MAPT: variants seen among roughly 807,000 people sequenced by gnomAD.
MAPT encodes the protein microtubule-associated protein tau.
MAPT carries 34 observed loss-of-function variants against 67.9 expected under a neutral mutation model. That is an observed-to-expected ratio of 0.50 (90% CI 0.38 to 0.67). The LOEUF (loss-of-function observed/expected upper bound fraction) is 0.67. MAPT is among the 30% of genes least tolerant of loss of function. The pLI, the probability that MAPT is intolerant of heterozygous loss-of-function variation, is 0.00. For missense variants in MAPT, 881 were observed against 1,115.2 expected (o/e 0.79, Z 2.99); for synonymous variants, 456 against 464.5 (o/e 0.98, Z 0.23).
chr17:45,912,816 C>A (rs2064891844), intron 1 of MAPT, among the ~76,000 whole-genome samples: 1 of 152,170 alleles, frequency 6.6e-6, no homozygotes, highest in South Asian at 2.1e-4. Flanking sequence ...ATTTGGCCAA[C>A]CTAGTTCCCA....
chr17:45,905,173 A>G (rs567063740), intron 1 of MAPT, among the ~76,000 whole-genome samples: 19 of 152,316 alleles, frequency 1.2e-4, no homozygotes, highest in Non-Finnish European at 2.2e-4. Flanking sequence ...ACATCCCTAA[A>G]TCCGCTTGAA....
intron 3 of MAPT, chr17:45,972,985 G>A (rs2071883722): frequency 6.6e-6 from 1 of 152,188 alleles, no homozygotes; most frequent in East Asian, 1.9e-4. Context: ...TGGCTTTTGA[G>A]TCACTAGTTG....
chr17:45,998,322 C>T (rs2074683386), intron 9 of MAPT, among the ~76,000 whole-genome samples: 1 of 151,980 alleles, frequency 6.6e-6, no homozygotes, highest in African/African-American at 2.4e-5. Flanking sequence ...AATGGACGGT[C>T]GGGTTAAAAG....
At chr17:46,014,063 C>T (rs2075997806) in intron 10 of MAPT, among the ~76,000 whole-genome samples, 180 bp from the exon 11 acceptor site, 1 of 152,238 alleles carries the variant, frequency 6.6e-6, no homozygotes, top group African/African-American at 2.4e-5. Context: ...TTTTTCCACC[C>T]TGACTAGGAT....
At chr17:45,914,703 G>A (rs1239451031) in intron 1 of MAPT, among the ~76,000 whole-genome samples, 1 of 151,564 alleles carries the variant, frequency 6.6e-6, no homozygotes, top group East Asian at 1.9e-4. Flanking sequence ...GTATTACCAT[G>A]CTTAAATGTT....
chr17:45,929,616 A>T (rs1388900567), intron 1 of MAPT, among the ~76,000 whole-genome samples: 5 of 152,186 alleles, frequency 3.3e-5, no homozygotes, highest in Admixed American at 1.3e-4. Context: ...TGTCCTGTTT[A>T]GTAGGAATAT....
At chr17:45,970,919 T>G (rs2071597043) in intron 2 of MAPT, among the ~76,000 whole-genome samples, 1 of 152,224 alleles carries the variant, frequency 6.6e-6, no homozygotes, top group Admixed American at 6.5e-5. Flanking sequence ...AGGCTGTATC[T>G]TCTGAGCATT....
At chr17:45,999,178 C>G in intron 9 of MAPT, 1 of 1,481,920 alleles carries the variant, frequency 6.7e-7, no homozygotes. Flanking sequence ...GTTCAGTTGC[C>G]ATCTCCTCCA....
rs565535494 is a variant in MAPT, at chr17:46,024,254, G to A, written c.*83G>A. On this transcript the variant is annotated 3_prime_UTR_variant, in exon 13 of 13. Coordinates refer to ENST00000262410, the MANE Select transcript of MAPT (RefSeq NM_001377265.1). ...AAAAAAGAATAATGACCCGGCCCCCGCCCTCTGCCCCCAGCTGCTCCTCGC... is the reference window on the plus strand; with the variant it reads ...AAAAAAGAATAATGACCCGGCCCCCACCCTCTGCCCCCAGCTGCTCCTCGC... The A allele has an allele frequency of 1.7e-5, 21 of 1,224,204 alleles. No individual in the cohort carries two copies. Among genetic ancestry groups the A allele is most frequent in the South Asian group, 4.9e-5 (4 of 80,870 alleles). 75.8% of individuals were successfully genotyped at this position (1,224,204 alleles called of 1,614,324 possible).
At chr17:45,973,988 C>G (rs1272665823) in intron 3 of MAPT, 1 of 205,894 alleles carries the variant, frequency 4.9e-6, no homozygotes, top group East Asian at 1.2e-4. Context: ...AGCCTCACAG[C>G]AAAACCATAG....
intron 1 of MAPT, among the ~76,000 whole-genome samples, chr17:45,960,678 G>A (rs1374981371): frequency 3.3e-5 from 5 of 152,132 alleles, no homozygotes; most frequent in African/African-American, 1.2e-4. Context: ...AGCCAGGCAT[G>A]GTGGCAGCTT....
rs552538809 is a variant in MAPT, at chr17:45,971,904, G to T, written c.179G>T (p.Gly60Val). ...TPTEDGSEEP[G>V]SETSDAKSTP... is the part of the protein sequence containing the mutation. ...ACTGAGGACGGATCTGAGGAACCGG[G>T]CTCTGAAACCTCTGATGCTAAGAGC... The change falls in exon 3 of 13, where the codon GGC (glycine) becomes GTC (valine). Residue 60 changes from glycine to valine, a missense_variant. Physicochemically the swap from Gly to Val is moderately radical, Grantham distance 109. Coordinates refer to ENST00000262410, the MANE Select transcript of MAPT (RefSeq NM_001377265.1). The surrounding 1 kb of genome is among the most constrained non-coding windows in gnomAD (Gnocchi z 4.3). The T allele has an allele frequency of 6.2e-7, 1 of 1,614,108 alleles. No homozygotes were observed. The highest frequency in any genetic ancestry group is 1.1e-5 in the South Asian group (1 of 91,084).
In MAPT at chr17:45,983,694, C is replaced by T. The variant is rs377402921; in HGVS notation, c.1115C>T (p.Ala372Val). 173 of 1,613,676 alleles carry T rather than the reference C, an allele frequency of 1.1e-4. No homozygotes were observed. Among genetic ancestry groups the T allele is most frequent in the Non-Finnish European group, 1.4e-4 (167 of 1,179,728 alleles). The part of the protein sequence containing the change: ...PSVGRAKGQD[A>V]PLEFTFHVEI... ...GTAGGGCGGGCCAAAGGGCAGGATG[C>T]CCCCCTGGAGTTCACGTTTCACGTG... Residue 372 changes from alanine (A) to valine (V), a missense_variant, in exon 5 of 13, where the codon GCC (alanine) becomes GTC (valine). By Grantham distance (64) the Ala-to-Val change is moderately conservative. This residue lies in a region of MAPT where 687 missense variants were observed against 766.1 expected (regional missense o/e 0.90). Coordinates refer to ENST00000262410, the MANE Select transcript of MAPT (RefSeq NM_001377265.1).
Position 45,983,492 on chromosome 17 carries a change from CAA to C in MAPT, c.914_915del (p.Gln305ArgfsTer120). On this transcript the variant is annotated frameshift_variant, in exon 5 of 13. Transcript: ENST00000262410. LOFTEE classifies it high-confidence loss of function. ...CCGCGACGTCGATGAGTCCTCCCCC[CAA>C]GACTCCCCTCCCTCCAAGGCCTCCC... ...EDRDVDESSP[Q>X]DSPPSKASPA... 1 of 1,611,872 alleles carries C rather than the reference CAA, an allele frequency of 6.2e-7. No individual in the cohort carries two copies. The highest frequency in any genetic ancestry group is 8.5e-7 in the Non-Finnish European group (1 of 1,179,236).
At chr17:46,000,600 C>T (rs1199553647) in intron 9 of MAPT, among the ~76,000 whole-genome samples, 2 of 152,208 alleles carry the variant, frequency 1.3e-5, no homozygotes, top group Non-Finnish European at 2.9e-5. Flanking sequence ...GCCCGAGCCT[C>T]CTGGACCTGT....
intron 4 of MAPT, chr17:45,980,623 T>G (rs775193548): frequency 1.3e-5 from 2 of 152,136 alleles, no homozygotes; most frequent in Non-Finnish European, 2.9e-5. Context: ...CTGTATCCAT[T>G]ACTTTTCAAG....
chr17:46,006,871 C>T (rs140993630), intron 9 of MAPT, among the ~76,000 whole-genome samples: 31 of 150,634 alleles, frequency 2.1e-4, no homozygotes, highest in African/African-American at 3.4e-4. Flanking sequence ...TGCAGTGAGC[C>T]GAGATCGCGC....
intron 9 of MAPT, among the ~76,000 whole-genome samples, chr17:46,006,984 A>AAAAT (rs1247288666): frequency 0.014 from 1,224 of 85,494 alleles, 14 homozygotes; most frequent in African/African-American, 0.029. Flanking sequence ...TAAAATAAAT[A>AAAAT]AAATAAAATA....
intron 1 of MAPT, among the ~76,000 whole-genome samples, chr17:45,928,991 A>T (rs1462157999): frequency 6.6e-6 from 1 of 152,008 alleles, no homozygotes; most frequent in African/African-American, 2.4e-5. Flanking sequence ...GAGCCACTGC[A>T]CCCGGCCATC....
Sources: allele counts gnomAD v4.1 joint callset (sites outside exome capture counted in the v4.1 genomes callset), GRCh38; gene constraint gnomAD v4.1.1; regional missense constraint gnomAD v4.1.1; non-coding constraint Gnocchi (gnomAD v3.1); transcripts MANE v1.5; gene names NCBI Gene and HGNC (gene_info 2026-07-23, HGNC 2026-07-21).